The following SNTG1 variants were observed in gnomAD, a reference collection of about 807,000 sequenced individuals.
SNTG1 encodes the protein gamma-1-syntrophin.
A neutral mutation model predicts 74.7 loss-of-function variants in SNTG1; 39 were observed. The observed-to-expected ratio is 0.52, with a 90% confidence interval of 0.40 to 0.68. The LOEUF is 0.68. SNTG1 is among the 30% of genes least tolerant of loss of function. The pLI, the probability that SNTG1 is intolerant of heterozygous loss-of-function variation, is 0.00. For synonymous variants in SNTG1, 254 were observed against 217.1 expected, an observed-to-expected ratio of 1.17 and a Z score of -1.49; for missense variants, 685 against 609.5, an observed-to-expected ratio of 1.12 and a Z score of -1.30.
At chr8:50,665,037 A>G (rs1374066972) in intron 15 of SNTG1, among the ~76,000 whole-genome samples, 4 of 152,190 alleles carry the variant, frequency 2.6e-5, no homozygotes, top group African/African-American at 7.2e-5. Flanking sequence ...TTTTTTAAAC[A>G]GTATTTTTCA....
intron 1 of SNTG1, among the ~76,000 whole-genome samples, chr8:50,103,804 A>C (rs1402155147): frequency 6.6e-6 from 1 of 152,198 alleles, no homozygotes; most frequent in African/African-American, 2.4e-5. Flanking sequence ...CTTTTCCTGC[A>C]TCTATTGAGA....
At chr8:50,575,202 T>A (rs2094570310) in intron 12 of SNTG1, among the ~76,000 whole-genome samples, 1 of 152,200 alleles carries the variant, frequency 6.6e-6, no homozygotes, top group Non-Finnish European at 1.5e-5. Context: ...GAGCTACTAA[T>A]CATTTTGTAA....
intron 2 of SNTG1, among the ~76,000 whole-genome samples, chr8:50,237,610 C>T (rs1474994337): frequency 6.6e-6 from 1 of 151,782 alleles, no homozygotes; most frequent in Non-Finnish European, 1.5e-5. Flanking sequence ...GATTTTTTTC[C>T]TGAACTCTCC....
chr8:50,392,306 C>G (rs1296274384), intron 2 of SNTG1, among the ~76,000 whole-genome samples: 1 of 152,140 alleles, frequency 6.6e-6, no homozygotes, highest in Non-Finnish European at 1.5e-5. Flanking sequence ...AACATTTAGA[C>G]AAGGTGTTCT....
At chr8:50,767,185 C>T (rs944870993) in intron 18 of SNTG1, among the ~76,000 whole-genome samples, 1 of 151,892 alleles carries the variant, frequency 6.6e-6, no homozygotes, top group East Asian at 1.9e-4. Context: ...TACATATTCC[C>T]AGGGCAAATA....
chr8:49,958,235 T>C (rs1486447310), intron 1 of SNTG1, among the ~76,000 whole-genome samples: 3 of 152,040 alleles, frequency 2.0e-5, no homozygotes, highest in Non-Finnish European at 2.9e-5. Flanking sequence ...AGGTTCACTG[T>C]AGGGCTGAAC....
At chr8:50,750,534 TGCA>T (rs2095564982) in intron 17 of SNTG1, among the ~76,000 whole-genome samples, 1 of 151,942 alleles carries the variant, frequency 6.6e-6, no homozygotes, top group Non-Finnish European at 1.5e-5. Flanking sequence ...AGTCAATCAA[TGCA>T]GCAGACTTCA....
intron 12 of SNTG1, among the ~76,000 whole-genome samples, chr8:50,584,380 C>T (rs992750695): frequency 2.0e-4 from 31 of 152,042 alleles, no homozygotes; most frequent in Admixed American, 1.4e-3. Context: ...ACCGTCCCAC[C>T]AACAGCGTAA....
chr8:49,988,966 T>C (rs1348934722), intron 1 of SNTG1, among the ~76,000 whole-genome samples: 1 of 151,994 alleles, frequency 6.6e-6, no homozygotes, highest in Non-Finnish European at 1.5e-5. Context: ...TATTGGAATG[T>C]TTCTAACACA....
At chr8:50,293,555 A>G (rs1242980645) in intron 2 of SNTG1, among the ~76,000 whole-genome samples, 1 of 151,848 alleles carries the variant, frequency 6.6e-6, no homozygotes, top group African/African-American at 2.4e-5. Context: ...GATTACAGGC[A>G]TGCACCAAAA....
intron 1 of SNTG1, among the ~76,000 whole-genome samples, chr8:49,988,389 G>A (rs1813372398): frequency 6.6e-6 from 1 of 152,264 alleles, no homozygotes; most frequent in South Asian, 2.1e-4. Context: ...AAGAATTAGT[G>A]CAAATGATAC....
At chr8:50,378,666 C>T (rs1206736373) in intron 2 of SNTG1, among the ~76,000 whole-genome samples, 4 of 151,966 alleles carry the variant, frequency 2.6e-5, no homozygotes, top group Non-Finnish European at 5.9e-5. Context: ...AAGGTAGCTC[C>T]TCTCTGCTAG....
chr8:50,539,437 T>G (rs2094330631), intron 11 of SNTG1, among the ~76,000 whole-genome samples: 1 of 152,090 alleles, frequency 6.6e-6, no homozygotes. Flanking sequence ...CTATTCATAT[T>G]TCTTGGTTAC....
intron 2 of SNTG1, among the ~76,000 whole-genome samples, chr8:50,226,847 G>T (rs1046504795): frequency 6.6e-6 from 1 of 151,968 alleles, no homozygotes; most frequent in Non-Finnish European, 1.5e-5. Flanking sequence ...CTCTTATTTG[G>T]CTCAAAATAA....
At chr8:50,440,894 T>C (rs927175020) in intron 5 of SNTG1, among the ~76,000 whole-genome samples, 1 of 152,210 alleles carries the variant, frequency 6.6e-6, no homozygotes, top group Non-Finnish European at 1.5e-5. Context: ...TAAAAACACA[T>C]TCTTTAAAAA....
intron 8 of SNTG1, among the ~76,000 whole-genome samples, chr8:50,494,073 C>G (rs1192399028): frequency 6.6e-6 from 1 of 151,194 alleles, no homozygotes; most frequent in African/African-American, 2.4e-5. Context: ...ACCAAACATC[C>G]TTTCAGAATC....
Position 50,057,100 on chromosome 8 carries a change from T to A in SNTG1, c.-102-115461T>A, listed in dbSNP as rs147730409. 1.9e-3 allele frequency among the ~76,000 whole-genome samples: 295 copies of A among 152,304 alleles called. 1 individual carries two copies. Among genetic ancestry groups the A allele is most frequent in the Admixed American group, 3.4e-3 (52 of 15,280 alleles). The stretch of plus-strand genomic sequence containing the variant: ...ATTTCGAGGAAATATTTAAAATTGT[T>A]ATAGTTACTAAGAAATAAATTACGT... On this transcript the variant is annotated intron_variant, in intron 1 of 18. Transcript: ENST00000642720.
chr8:50,130,353 G>A (rs967885904), intron 1 of SNTG1, among the ~76,000 whole-genome samples: 7 of 151,940 alleles, frequency 4.6e-5, no homozygotes, highest in African/African-American at 1.5e-4. Context: ...CATAAGTGAG[G>A]AAACACAAAA....
chr8:50,541,821 T>C (rs2094349261), intron 11 of SNTG1, among the ~76,000 whole-genome samples: 1 of 151,890 alleles, frequency 6.6e-6, no homozygotes, highest in Admixed American at 6.6e-5. Flanking sequence ...CTCTCTCTCT[T>C]CTAACTTTCC....
Sources: allele counts gnomAD v4.1 joint callset (sites outside exome capture counted in the v4.1 genomes callset), GRCh38; gene constraint gnomAD v4.1.1; transcripts MANE v1.5; gene names NCBI Gene and HGNC (gene_info 2026-07-23, HGNC 2026-07-21).